LGI4: variants seen among roughly 807,000 people sequenced by gnomAD.
The protein encoded by LGI4 is leucine rich repeat LGI family member 4.
Under a neutral mutation model 48.3 loss-of-function variants are expected in LGI4, and 36 were observed. The ratio of observed to expected loss-of-function variants is 0.75; its 90% CI spans 0.57 to 0.98. The LOEUF (loss-of-function observed/expected upper bound fraction) is 0.98. Among genes scored for constraint, LGI4 ranks in the 50% least tolerant of loss-of-function variants. The pLI is 0.00. For synonymous variants in LGI4, 355 were observed against 331.6 expected, an observed-to-expected ratio of 1.07 and a Z score of -0.77; for missense variants, 701 against 732.1, an observed-to-expected ratio of 0.96 and a Z score of 0.49.
chr19:35,131,671 A>T (rs555832561), intron 5 of LGI4, 116 bp from the exon 6 acceptor site: 1 of 1,412,762 alleles, frequency 7.1e-7, no homozygotes, highest in East Asian at 2.5e-5. Flanking sequence ...TGGTAAGAAA[A>T]ATACGTAAGA....
intron 5 of LGI4, 42 bp from the exon 6 acceptor site, chr19:35,131,597 C>T (rs975312595): frequency 3.5e-5 from 54 of 1,536,140 alleles, no homozygotes; most frequent in African/African-American, 1.2e-4. Context: ...CCGGCTTCCA[C>T]GCCCTGGGGG....
chr19:35,126,089 G>T (rs912160117), intron 8 of LGI4, 181 bp downstream of exon 8: 3 of 647,918 alleles, frequency 4.6e-6, no homozygotes, highest in Non-Finnish European at 5.4e-6. Flanking sequence ...CATCAGTGTC[G>T]GGGACTGGGG....
chr19:35,128,144 C>T (rs751759723), intron 6 of LGI4, among the ~76,000 whole-genome samples: 4 of 152,250 alleles, frequency 2.6e-5, no homozygotes, highest in Non-Finnish European at 5.9e-5. Context: ...GACTGCCCCA[C>T]GTACCTGGAC....
chr19:35,129,101 A>G (rs560908791), intron 6 of LGI4, among the ~76,000 whole-genome samples: 1 of 152,270 alleles, frequency 6.6e-6, no homozygotes, highest in African/African-American at 2.4e-5. Flanking sequence ...CCAGGACTGT[A>G]AGTCCCGTAA....
At position 35,126,622 on chromosome 19, in the gene LGI4, C is replaced by T. The variant is rs761396619; in HGVS notation, c.947G>A (p.Arg316Gln). 1.1e-5 allele frequency: 17 copies of T among 1,540,884 alleles called. No individual in the cohort carries two copies. The South Asian group carries it at 1.5e-4, about 14-fold the overall frequency. Reference sequence around the variant, plus strand: ...CCACAGGAGCTCGGCGTCATTGGGCCGCAGCAGCCGCCGCGGGGCCAGGGT... The same window carrying T: ...CCACAGGAGCTCGGCGTCATTGGGCTGCAGCAGCCGCCGCGGGGCCAGGGT... The part of the protein sequence containing the change: ...TQTLAPRRLL[R>Q]PNDAELLWLE... Residue 316 changes from arginine to glutamine, a missense_variant, in exon 8 of 9, where the codon CGG (arginine) becomes CAG (glutamine). Arg to Gln is a conservative substitution (Grantham distance 43). Transcript: ENST00000310123.
Position 35,134,634 on chromosome 19 carries a change from AC to A in LGI4, c.46del (p.Val16TrpfsTer52). ...CTTTGGGGGTCTCCAGGCCACCACC[AC>A]CCCCGCCCCAGCCAGCAGCAGCAGC... ...ILLLLLAGAG[V>X]VVAWRPPKGK... On this transcript the variant is annotated frameshift_variant, in exon 1 of 9. Coordinates refer to ENST00000310123, the MANE Select transcript of LGI4 (RefSeq NM_139284.3). LOFTEE classifies it high-confidence loss of function. The A allele has an allele frequency of 3.5e-6, 5 of 1,446,804 alleles. No individual in the cohort carries two copies. The highest frequency in any genetic ancestry group is 1.2e-5 in the South Asian group (1 of 80,876). 89.6% of individuals were successfully genotyped at this position (1,446,804 alleles called of 1,614,324 possible).
chr19:35,133,502 C>T lies in LGI4; in HGVS notation c.314+191G>A, dbSNP rs1461280174. On this transcript the variant is annotated intron_variant, in intron 3 of 8. Transcript: ENST00000310123. ...CTGATAAACATCATTGACACCAGCC[C>T]TGAGAACTTCATCAGTATCACCCAA... 7 of 1,426,850 alleles carry T rather than the reference C, an allele frequency of 4.9e-6. No individual in the cohort carries two copies. The African/African-American group carries it at 1.0e-4, about 21-fold the overall frequency. 88.4% of individuals were successfully genotyped at this position (1,426,850 alleles called of 1,614,324 possible).
rs771337559 is a variant in LGI4, at chr19:35,126,953, C to G, written c.693G>C (p.Gly231=). 3 of 1,613,644 alleles carry G rather than the reference C, an allele frequency of 1.9e-6. No homozygotes were observed. The highest frequency in any genetic ancestry group is 1.7e-6 in the Non-Finnish European group (2 of 1,179,858). ...GCTGTGCCAGCACAATGTGAGGCTC[C>G]CCTTGGTAGGAGAAGGGCTCTACGC... ...ALSVEPFSYQ[G]EPHIVLAQPF... The change falls in exon 7 of 9, where the codon GGG becomes GGC. Residue 231 remains glycine (G), a synonymous_variant. Transcript: ENST00000310123.
In LGI4 at chr19:35,125,004, G is replaced by T. The variant is rs1160923619; in HGVS notation, c.*189C>A. ...AAGGGCAGCTCGGGAGGTCCAGTAG[G>T]CTGGGACCCTCTATGTCCCCCCATG... is the stretch of plus-strand genomic sequence containing the variant. On this transcript the variant is annotated 3_prime_UTR_variant, in exon 9 of 9. Coordinates refer to ENST00000310123, the MANE Select transcript of LGI4 (RefSeq NM_139284.3). 1 of 463,128 alleles carries T rather than the reference G, an allele frequency of 2.2e-6. No homozygotes were observed. The highest frequency in any genetic ancestry group is 3.7e-6 in the Non-Finnish European group (1 of 269,140). The allele number at this position is 463,128 out of a possible 1,614,324, so 28.7% of individuals were successfully genotyped here.
rs1045997109 is a variant in LGI4, at chr19:35,131,237, A to G, written c.628+149T>C. On this transcript the variant is annotated intron_variant, in intron 6 of 8. Coordinates refer to ENST00000310123, the MANE Select transcript of LGI4 (RefSeq NM_139284.3). ...GTTTATTACCCCCACTTTACAGATG[A>G]GAAAACTGGGGCTCAGGAAGGCAGT... 9 of 913,684 alleles carry G rather than the reference A, an allele frequency of 9.9e-6. No individual in the cohort carries two copies. The African/African-American group carries it at 1.5e-4, about 15-fold the overall frequency. 56.6% of individuals were successfully genotyped at this position (913,684 alleles called of 1,614,324 possible). A position where few individuals can be genotyped will look rare whatever the true frequency, so the allele number is the denominator to read the frequency against.
At chr19:35,129,259 A>T (rs1262605659) in intron 6 of LGI4, among the ~76,000 whole-genome samples, 2 of 152,188 alleles carry the variant, frequency 1.3e-5, no homozygotes. Context: ...CACAGACCAA[A>T]AACATGTCTT....
chr19:35,129,475 T>G (rs187713969), intron 6 of LGI4, among the ~76,000 whole-genome samples: 16 of 152,196 alleles, frequency 1.1e-4, no homozygotes, highest in African/African-American at 3.6e-4. Context: ...TGTTAATTTA[T>G]GAACTTAGCC....
Position 35,125,443 on chromosome 19 carries a change from A to T in LGI4, c.1364T>A (p.Val455Asp), listed in dbSNP as rs1197381501. 6.2e-7 allele frequency: 1 copy of T among 1,605,726 alleles called. No individual in the cohort carries two copies. The highest frequency in any genetic ancestry group is 1.3e-5 in the African/African-American group (1 of 74,816). ...LQQLPSRGAH[V>D]FQPLLIARDQ... ...CCTGGCGATGAGCAGTGGCTGGAAG[A>T]CGTGGGCACCGCGCGAGGGAAGTTG... The change falls in exon 9 of 9, where the codon GTC (valine) becomes GAC (aspartate). Residue 455 changes from valine (V) to aspartate (D), a missense_variant. By Grantham distance (152) the Val-to-Asp change is radical. Coordinates refer to ENST00000310123, the MANE Select transcript of LGI4 (RefSeq NM_139284.3).
rs1387805567 is a variant in LGI4, at chr19:35,131,271, C to T, written c.628+115G>A. On this transcript the variant is annotated intron_variant, in intron 6 of 8. Coordinates refer to ENST00000310123, the MANE Select transcript of LGI4 (RefSeq NM_139284.3). ...GGGCTCAGGAAGGCAGTGCTGCTTGCTCAGGGTCTTCCCACTCCGGGAAAT... is the reference window on the plus strand; with the variant it reads ...GGGCTCAGGAAGGCAGTGCTGCTTGTTCAGGGTCTTCCCACTCCGGGAAAT... 3.8e-6 allele frequency: 5 copies of T among 1,323,274 alleles called. No homozygotes were observed. The Admixed American group carries it at 9.9e-5, about 26-fold the overall frequency. 82.0% of individuals were successfully genotyped at this position (1,323,274 alleles called of 1,614,324 possible). A position where few individuals can be genotyped will look rare whatever the true frequency, so the allele number is the denominator to read the frequency against.
chr19:35,132,908 C>G (rs2065185459), intron 3 of LGI4, among the ~76,000 whole-genome samples: 1 of 152,106 alleles, frequency 6.6e-6, no homozygotes, highest in African/African-American at 2.4e-5. Context: ...AACACCTTCA[C>G]CATCATCACC....
At chr19:35,131,763 A>C in intron 5 of LGI4, 26 bp downstream of exon 5, 19 of 1,481,402 alleles carry the variant, frequency 1.3e-5, no homozygotes, top group Non-Finnish European at 1.6e-5. Context: ...CCAACCCCCC[A>C]CATTCCCAGC....
rs2065128903 is a variant in LGI4, at chr19:35,125,678, C to G, written c.1300-171G>C. On this transcript the variant is annotated intron_variant, in intron 8 of 8. Coordinates refer to ENST00000310123, the MANE Select transcript of LGI4 (RefSeq NM_139284.3). ...ACATGCAGTTGTTCTGAGCCCTTCCCTTGCCCTCACGCCCCACACAGAAGC... is the reference window on the plus strand; with the variant it reads ...ACATGCAGTTGTTCTGAGCCCTTCCGTTGCCCTCACGCCCCACACAGAAGC... The G allele has an allele frequency of 4.2e-6, 3 of 710,790 alleles. No individual in the cohort carries two copies. In the Middle Eastern group the frequency reaches 6.9e-4, roughly 164 times the overall value. 44.0% of individuals were successfully genotyped at this position (710,790 alleles called of 1,614,324 possible). A position where few individuals can be genotyped will look rare whatever the true frequency, so the allele number is the denominator to read the frequency against.
At chr19:35,127,831 C>G (rs953256885) in intron 6 of LGI4, among the ~76,000 whole-genome samples, 2 of 152,256 alleles carry the variant, frequency 1.3e-5, no homozygotes, top group Non-Finnish European at 2.9e-5. Context: ...CAAAGGCTAA[C>G]TGGCACAGGC....
Position 35,134,648 on chromosome 19 carries a change from C to T in LGI4, c.33G>A (p.Leu11=). ...AGGCCACCACCACCCCCGCCCCAGC[C>T]AGCAGCAGCAGCAGAATGCCTGCCC... MGGAGILLLL[L]AGAGVVVAWR... The change falls in exon 1 of 9, where the codon CTG becomes CTA. Residue 11 remains leucine (L), a synonymous_variant. Coordinates refer to ENST00000310123, the MANE Select transcript of LGI4 (RefSeq NM_139284.3). 7.1e-7 allele frequency: 1 copy of T among 1,399,690 alleles called. No homozygotes were observed. Among genetic ancestry groups the T allele is most frequent in the Non-Finnish European group, 9.7e-7 (1 of 1,034,620 alleles). 86.7% of individuals were successfully genotyped at this position (1,399,690 alleles called of 1,614,324 possible).
Sources: allele counts gnomAD v4.1 joint callset (sites outside exome capture counted in the v4.1 genomes callset), GRCh38; gene constraint gnomAD v4.1.1; transcripts MANE v1.5; gene names NCBI Gene and HGNC (gene_info 2026-07-23, HGNC 2026-07-21).